The following MBD5 variants were observed in gnomAD, a reference collection of about 807,000 sequenced individuals.
MBD5 encodes methyl-CpG binding domain protein 5.
MBD5 carries 13 observed loss-of-function variants against 117.3 expected under a neutral mutation model. The observed-to-expected ratio is 0.11, with a 90% CI of 0.07 to 0.18. The LOEUF is 0.18. MBD5 is among the 10% of genes least tolerant of loss of function. The pLI is 1.00. For synonymous variants in MBD5, 727 were observed against 766.4 expected (o/e 0.95, Z 0.85); for missense variants, 1,879 against 2,093.8 (o/e 0.90, Z 2.00).
In MBD5 at chr2:148,458,879, C is replaced by A. The variant is rs886054908; in HGVS notation, c.113+8C>A. On this transcript the variant is annotated splice_region_variant and intron_variant, in intron 5 of 13. Coordinates refer to ENST00000642680, the MANE Select transcript of MBD5 (RefSeq NM_001378120.1). ...TGGAGTGCTTTATGTCAGGTAAGTTCTTATTATTACCTGTGGTACCTGCAA... is the reference window on the plus strand; with the variant it reads ...TGGAGTGCTTTATGTCAGGTAAGTTATTATTATTACCTGTGGTACCTGCAA... The A allele has an allele frequency of 3.7e-6, 6 of 1,601,946 alleles. No homozygotes were observed. Among genetic ancestry groups the A allele is most frequent in the Non-Finnish European group, 3.4e-6 (4 of 1,169,298 alleles).
chr2:148,454,600 C>T (rs779546190), intron 4 of MBD5, among the ~76,000 whole-genome samples: 14 of 151,840 alleles, frequency 9.2e-5, no homozygotes, highest in Non-Finnish European at 1.0e-4. Context: ...AGGATACAGA[C>T]GAGAATCGTA....
At chr2:148,325,591 C>A (rs1702424297) in intron 3 of MBD5, among the ~76,000 whole-genome samples, 1 of 152,236 alleles carries the variant, frequency 6.6e-6, no homozygotes. Flanking sequence ...GGAATTTATC[C>A]ATTTCTTCTA....
At chr2:148,223,833 T>G (rs978319755) in intron 2 of MBD5, among the ~76,000 whole-genome samples, 4 of 152,176 alleles carry the variant, frequency 2.6e-5, no homozygotes, top group Admixed American at 1.3e-4. Flanking sequence ...TTTGAAGTTT[T>G]TCTTCTTTTT....
At chr2:148,466,912 G>A (rs1471194251) in intron 7 of MBD5, among the ~76,000 whole-genome samples, 2 of 152,178 alleles carry the variant, frequency 1.3e-5, no homozygotes, top group African/African-American at 4.8e-5. Flanking sequence ...GTTATGATAT[G>A]ATTTGACCTG....
intron 2 of MBD5, among the ~76,000 whole-genome samples, chr2:148,197,678 A>G (rs1699022844): frequency 6.6e-6 from 1 of 152,062 alleles, no homozygotes; most frequent in African/African-American, 2.4e-5. Context: ...CTGTGCTTGA[A>G]CATTTAGGTT....
At chr2:148,340,403 T>C (rs1448620440) in intron 3 of MBD5, among the ~76,000 whole-genome samples, 1 of 152,152 alleles carries the variant, frequency 6.6e-6, no homozygotes, top group African/African-American at 2.4e-5. Flanking sequence ...GTATGCCTTC[T>C]CAAGGTATGA....
intron 2 of MBD5, among the ~76,000 whole-genome samples, chr2:148,201,578 G>A (rs1699143854): frequency 6.6e-6 from 1 of 152,168 alleles, no homozygotes; most frequent in Non-Finnish European, 1.5e-5. Context: ...CTGGCAGAGG[G>A]CCACAGTGTT....
intron 1 of MBD5, chr2:148,041,514 T>C (rs929462483): frequency 1.3e-5 from 2 of 152,170 alleles, no homozygotes; most frequent in African/African-American, 2.4e-5. Context: ...TGAAGTACCT[T>C]GAAATGGATT....
intron 3 of MBD5, among the ~76,000 whole-genome samples, chr2:148,336,883 T>C (rs1241540162): frequency 5.3e-5 from 8 of 152,208 alleles, no homozygotes; most frequent in Non-Finnish European, 8.8e-5. Context: ...CTGGACTTCA[T>C]ATACTGGATC....
rs543318384 is a variant in MBD5, at chr2:148,496,059, G to A, written c.4962+5465G>A. The stretch of plus-strand genomic sequence containing the variant: ...CAGTGTTAGCTGTTTGTATTCTTTG[G>A]TACTATAATTCTCTGTTGAGAATGT... On this transcript the variant is annotated intron_variant, in intron 11 of 13. Transcript: ENST00000642680. Among the ~76,000 whole-genome samples, 3 of 152,216 alleles carry A rather than the reference G, an allele frequency of 2.0e-5. No homozygotes were observed. In the South Asian group the frequency reaches 6.2e-4, roughly 32 times the overall value.
At chr2:148,348,884 C>T (rs768115866) in intron 4 of MBD5, among the ~76,000 whole-genome samples, 21 of 151,854 alleles carry the variant, frequency 1.4e-4, no homozygotes, top group Non-Finnish European at 2.2e-4. Context: ...TACATAACAG[C>T]CCCTGGAATA....
In MBD5 at chr2:148,189,352, C is replaced by T. The variant is rs1278514311; in HGVS notation, c.-831+10559C>T. 4.6e-5 allele frequency among the ~76,000 whole-genome samples: 7 copies of T among 151,442 alleles called. No individual in the cohort carries two copies. In the East Asian group the frequency reaches 1.2e-3, roughly 25 times the overall value. On this transcript the variant is annotated intron_variant, in intron 2 of 13. Transcript: ENST00000642680. The stretch of plus-strand genomic sequence containing the variant: ...GCAGTAACCTCTGAGACTTAAGTGT[C>T]CCTGTCTGACAGCTTTGAAGAGAGC...
chr2:148,035,574 T>C (rs1165970527), intron 1 of MBD5, among the ~76,000 whole-genome samples: 1 of 152,234 alleles, frequency 6.6e-6, no homozygotes, highest in Non-Finnish European at 1.5e-5. Context: ...ACTTGGTTAA[T>C]GTAAATATTC....
At chr2:148,128,032 CTTT>C (rs1175013494) in intron 1 of MBD5, among the ~76,000 whole-genome samples, 2 of 152,122 alleles carry the variant, frequency 1.3e-5, no homozygotes, top group East Asian at 3.9e-4. Flanking sequence ...TGAATGTCTT[CTTT>C]TGAGAAGTGT....
intron 4 of MBD5, 30 bp downstream of exon 4, chr2:148,342,366 C>A (rs978366716): frequency 1.3e-5 from 2 of 151,960 alleles, no homozygotes; most frequent in African/African-American, 4.8e-5. Flanking sequence ...TTCATAGATT[C>A]TTCATACAAT....
chr2:148,097,491 ATTTG>A (rs1206701881), intron 1 of MBD5, among the ~76,000 whole-genome samples: 4 of 152,142 alleles, frequency 2.6e-5, no homozygotes, highest in Admixed American at 2.0e-4. Context: ...CACACAAGTT[ATTTG>A]TTTTTCATTC....
chr2:148,441,374 C>T (rs992623879), intron 4 of MBD5, among the ~76,000 whole-genome samples: 18 of 151,966 alleles, frequency 1.2e-4, no homozygotes, highest in Admixed American at 2.6e-4. Context: ...TTTGTCCTTG[C>T]GATAGTTTGC....
intron 11 of MBD5, among the ~76,000 whole-genome samples, chr2:148,497,540 A>C (rs1366380112): frequency 6.6e-6 from 1 of 152,048 alleles, no homozygotes; most frequent in Non-Finnish European, 1.5e-5. Flanking sequence ...ATTGTTAAAA[A>C]TTAGCGAGCA....
chr2:148,366,565 T>C (rs1034210707), intron 4 of MBD5, among the ~76,000 whole-genome samples: 1 of 152,212 alleles, frequency 6.6e-6, no homozygotes, highest in African/African-American at 2.4e-5. Context: ...CATGATTGTA[T>C]ATTTAGAAAA....
Sources: gnomAD v4.1 joint callset for allele counts (sites outside exome capture counted in the v4.1 genomes callset) on GRCh38, gnomAD v4.1.1 for gene constraint, MANE v1.5 for transcripts, NCBI Gene and HGNC (gene_info 2026-07-23, HGNC 2026-07-21) for gene names.